Variants in NADK2 observed in about 807,000 individuals in gnomAD.
The protein encoded by NADK2 is NAD kinase 2, mitochondrial.
Under a neutral mutation model 62.1 loss-of-function variants are expected in NADK2, and 35 were observed. The observed-to-expected ratio is 0.56, with a 90% CI of 0.43 to 0.75. The LOEUF (loss-of-function observed/expected upper bound fraction) is 0.75, where lower values mean the gene tolerates loss of function less well. NADK2 is among the 30% of genes least tolerant of loss of function. The pLI is 0.00. For missense variants in NADK2, 439 were observed against 561.3 expected (o/e 0.78, Z 2.20); for synonymous variants, 205 against 207.9 (o/e 0.99, Z 0.12).
chr5:36,241,834 G>A lies in NADK2; in HGVS notation c.-36C>T, dbSNP rs1341384237. 1.1e-4 allele frequency: 142 copies of A among 1,261,978 alleles called. No homozygotes were observed. The highest frequency in any genetic ancestry group is 1.3e-4 in the Non-Finnish European group (130 of 1,004,692). The allele number at this position is 1,261,978 out of a possible 1,614,324, so 78.2% of individuals were successfully genotyped here. On this transcript the variant is annotated 5_prime_UTR_variant, in exon 1 of 12. Coordinates refer to ENST00000381937, the MANE Select transcript of NADK2 (RefSeq NM_001085411.3). The surrounding 1 kb of genome is among the most constrained non-coding windows in gnomAD (Gnocchi z 4.9). ...GCCGCGGCCGCGGGCTTGGGCTCGG[G>A]CCCCTTGCCTCAGCTCCCTACCGCC... is the stretch of plus-strand genomic sequence containing the variant.
At position 36,227,497 on chromosome 5, in the gene NADK2, T is replaced by A; in HGVS notation, c.369A>T (p.Glu123Asp). ...ERHHIHTKNV[E>D]HIIDSLRNEG... ...CTTACCGTAAACTATCTATAATATG[T>A]TCTACATTTTTGGTGTGAATATGAT... The change falls in exon 2 of 12, where the codon GAA (glutamate) becomes GAT (aspartate). Residue 123 changes from glutamate to aspartate, a missense_variant. Physicochemically the swap from Glu to Asp is conservative, Grantham distance 45. Coordinates refer to ENST00000381937, the MANE Select transcript of NADK2 (RefSeq NM_001085411.3). The A allele has an allele frequency of 1.3e-6, 2 of 1,542,792 alleles. No individual in the cohort carries two copies. Among genetic ancestry groups the A allele is most frequent in the South Asian group, 1.2e-5 (1 of 81,004 alleles).
intron 7 of NADK2, 92 bp downstream of exon 7, chr5:36,211,752 C>A: frequency 9.2e-7 from 1 of 1,090,062 alleles, no homozygotes; most frequent in Non-Finnish European, 1.4e-6. Flanking sequence ...AAATATTATT[C>A]ACAAATCTTA....
At chr5:36,201,254 T>C in intron 8 of NADK2, 93 bp from the exon 9 acceptor site, 1 of 1,147,418 alleles carries the variant, frequency 8.7e-7, no homozygotes, top group East Asian at 2.4e-5. Context: ...AGAAAATTCT[T>C]AGAAATTAGG....
intron 7 of NADK2, among the ~76,000 whole-genome samples, chr5:36,209,058 C>T: frequency 6.6e-6 from 1 of 152,116 alleles, no homozygotes; most frequent in Admixed American, 6.6e-5. Context: ...AATAAATGTC[C>T]ATTTCCTTTC....
intron 1 of NADK2, among the ~76,000 whole-genome samples, chr5:36,229,309 C>T (rs1223354496): frequency 2.0e-5 from 3 of 152,150 alleles, no homozygotes; most frequent in African/African-American, 7.2e-5. Context: ...ATTAGACAGC[C>T]TGTGCCAAAA....
In NADK2 at chr5:36,205,758, A is replaced by T. The variant is rs1489086562; in HGVS notation, c.956+1412T>A. ...GGCGATTCCTCAAGGATCTAGAACT[A>T]GAAATACTATTTGACCCAGCCATCC... On this transcript the variant is annotated intron_variant, in intron 8 of 11. Coordinates refer to ENST00000381937, the MANE Select transcript of NADK2 (RefSeq NM_001085411.3). This position sits in a 1 kb window ranked among gnomAD's most constrained non-coding sequence, Gnocchi z 4.1. Among the ~76,000 whole-genome samples the T allele has an allele frequency of 6.6e-6, 1 of 152,180 alleles. No homozygotes were observed. The highest frequency in any genetic ancestry group is 6.6e-5 in the Admixed American group (1 of 15,260).
At chr5:36,209,069 T>C (rs1039462262) in intron 7 of NADK2, among the ~76,000 whole-genome samples, 11 of 152,178 alleles carry the variant, frequency 7.2e-5, no homozygotes, top group African/African-American at 2.7e-4. Flanking sequence ...ATTTCCTTTC[T>C]GCCTAATGGT....
chr5:36,233,918 T>C (rs1747802058), intron 1 of NADK2, among the ~76,000 whole-genome samples: 1 of 152,192 alleles, frequency 6.6e-6, no homozygotes, highest in Admixed American at 6.5e-5. Flanking sequence ...CCATTTCACC[T>C]TCATATTAGC....
At chr5:36,204,457 C>A (rs539897548) in intron 8 of NADK2, among the ~76,000 whole-genome samples, 12 of 152,150 alleles carry the variant, frequency 7.9e-5, no homozygotes, top group Non-Finnish European at 1.8e-4. Context: ...ACAGAAATTT[C>A]CATTTCTATT....
At chr5:36,208,190 G>A (rs1746708734) in intron 7 of NADK2, among the ~76,000 whole-genome samples, 1 of 152,078 alleles carries the variant, frequency 6.6e-6, no homozygotes. Context: ...AGTTTATCCT[G>A]TAAGCTCTTA....
intron 1 of NADK2, among the ~76,000 whole-genome samples, chr5:36,232,604 G>T (rs1406504454): frequency 6.6e-6 from 1 of 152,042 alleles, no homozygotes; most frequent in East Asian, 1.9e-4. Context: ...ACATATATTT[G>T]GTATTTATCT....
chr5:36,241,438 G>A lies in NADK2; in HGVS notation c.300+61C>T. 5 of 1,468,130 alleles carry A rather than the reference G, an allele frequency of 3.4e-6. No homozygotes were observed. Among genetic ancestry groups the A allele is most frequent in the Non-Finnish European group, 4.5e-6 (5 of 1,113,028 alleles). The allele number at this position is 1,468,130 out of a possible 1,614,324, so 90.9% of individuals were successfully genotyped here. A position where few individuals can be genotyped will look rare whatever the true frequency, so the allele number is the denominator to read the frequency against. On this transcript the variant is annotated intron_variant, in intron 1 of 11. Coordinates refer to ENST00000381937, the MANE Select transcript of NADK2 (RefSeq NM_001085411.3). This position sits in a 1 kb window ranked among gnomAD's most constrained non-coding sequence, Gnocchi z 4.9. The stretch of plus-strand genomic sequence containing the variant: ...TCCCGAGAGGTCCCCCCGAGGGGGC[G>A]CAGCCGCCACCAGAGCCCCGGCCGA...
intron 1 of NADK2, among the ~76,000 whole-genome samples, chr5:36,237,382 G>A (rs954630498): frequency 2.8e-4 from 42 of 152,054 alleles, no homozygotes; most frequent in African/African-American, 1.0e-3. Context: ...TATTATCATT[G>A]AATAAAAAGA....
chr5:36,241,626 C>T lies in NADK2; in HGVS notation c.173G>A (p.Cys58Tyr). The change falls in exon 1 of 12, where the codon TGT becomes TAT. Residue 58 changes from cysteine (C) to tyrosine (Y), a missense_variant. Physicochemically the swap from Cys to Tyr is radical, Grantham distance 194. Transcript: ENST00000381937. This position sits in a 1 kb window ranked among gnomAD's most constrained non-coding sequence, Gnocchi z 4.9. ...GQGQPRELAGCGSRADGGFRP... is the reference protein window; with the variant it reads ...GQGQPRELAGYGSRADGGFRP... ...GAAGCCGCCGTCCGCGCGGCTGCCA[C>T]AGCCCGCCAGCTCGCGCGGCTGCCC... 2 of 1,473,916 alleles carry T rather than the reference C, an allele frequency of 1.4e-6. No homozygotes were observed. The highest frequency in any genetic ancestry group is 8.9e-7 in the Non-Finnish European group (1 of 1,117,938). 91.3% of individuals were successfully genotyped at this position (1,473,916 alleles called of 1,614,324 possible).
intron 8 of NADK2, among the ~76,000 whole-genome samples, chr5:36,203,618 C>G (rs1746526625): frequency 6.6e-6 from 1 of 152,026 alleles, no homozygotes; most frequent in Non-Finnish European, 1.5e-5. Context: ...AGATTTTAAT[C>G]TAACCCATAC....
At chr5:36,230,470 T>A (rs1005020386) in intron 1 of NADK2, among the ~76,000 whole-genome samples, 10 of 152,242 alleles carry the variant, frequency 6.6e-5, no homozygotes, top group African/African-American at 2.2e-4. Context: ...CTGGTATTTT[T>A]AAAAAATCCC....
chr5:36,209,992 CTTT>C (rs1746779798), intron 7 of NADK2, among the ~76,000 whole-genome samples: 1 of 152,080 alleles, frequency 6.6e-6, no homozygotes. Context: ...ATGTGAATAT[CTTT>C]TTTAGTTAAG....
In NADK2 at chr5:36,234,559, A is replaced by C. The variant is rs1228210224; in HGVS notation, c.300+6940T>G. Among the ~76,000 whole-genome samples, 5 of 152,312 alleles carry C rather than the reference A, an allele frequency of 3.3e-5. No individual in the cohort carries two copies. In the East Asian group the frequency reaches 9.6e-4, roughly 29 times the overall value. ...CTTGTTTATGGATACTGTCATATTA[A>C]TAAATGTAAAAGCATATGTATGAGA... is the stretch of plus-strand genomic sequence containing the variant. On this transcript the variant is annotated intron_variant, in intron 1 of 11. Coordinates refer to ENST00000381937, the MANE Select transcript of NADK2 (RefSeq NM_001085411.3).
intron 5 of NADK2, among the ~76,000 whole-genome samples, chr5:36,219,231 G>T (rs1253909420): frequency 3.9e-5 from 6 of 152,084 alleles, no homozygotes; most frequent in Non-Finnish European, 8.8e-5. Flanking sequence ...TTTGTTTTGA[G>T]ACACAGTCTC....
Sources: allele counts gnomAD v4.1 joint callset (sites outside exome capture counted in the v4.1 genomes callset), GRCh38; gene constraint gnomAD v4.1.1; non-coding constraint Gnocchi (gnomAD v3.1); transcripts MANE v1.5; gene names NCBI Gene and HGNC (gene_info 2026-07-23, HGNC 2026-07-21).